Variants in RB1CC1 observed in about 807,000 individuals in gnomAD.
RB1CC1 encodes RB1-inducible coiled-coil protein 1.
A neutral mutation model predicts 177.5 loss-of-function variants in RB1CC1; 46 were observed. The observed-to-expected ratio is 0.26, with a 90% confidence interval of 0.20 to 0.33. The LOEUF (loss-of-function observed/expected upper bound fraction) is 0.33. Among genes scored for constraint, RB1CC1 ranks in the 10% least tolerant of loss-of-function variants. RB1CC1 has a pLI of 1.00. For synonymous variants in RB1CC1, 666 were observed against 613.6 expected (o/e 1.09, Z -1.26); for missense variants, 1,703 against 1,816.3 (o/e 0.94, Z 1.13).
At chr8:52,698,103 C>T (rs1482344451) in intron 1 of RB1CC1, among the ~76,000 whole-genome samples, 1 of 152,070 alleles carries the variant, frequency 6.6e-6, no homozygotes, top group Non-Finnish European at 1.5e-5. Context: ...AAGACAAGAT[C>T]TCGTCCTGTC....
intron 13 of RB1CC1, 46 bp downstream of exon 13, chr8:52,658,827 A>C (rs1851336210): frequency 7.3e-7 from 1 of 1,367,110 alleles, no homozygotes; most frequent in Non-Finnish European, 1.0e-6. Context: ...GAATAATAAA[A>C]ACATTTTAAG....
At chr8:52,659,462 T>C (rs907439826) in intron 12 of RB1CC1, among the ~76,000 whole-genome samples, 9 of 152,150 alleles carry the variant, frequency 5.9e-5, no homozygotes, top group African/African-American at 1.9e-4. Flanking sequence ...TTTTAGCTTC[T>C]GTAAAAAATA....
intron 2 of RB1CC1, 80 bp from the exon 3 acceptor site, chr8:52,685,600 G>C (rs746894746): frequency 6.1e-6 from 3 of 491,010 alleles, no homozygotes; most frequent in Non-Finnish European, 1.1e-5. Flanking sequence ...ACACAGTACA[G>C]TATTACTATA....
chr8:52,649,317 T>C (rs1001142398), intron 15 of RB1CC1, among the ~76,000 whole-genome samples: 1 of 152,194 alleles, frequency 6.6e-6, no homozygotes, highest in Non-Finnish European at 1.5e-5. Context: ...CTGGGAACTT[T>C]AGTATCACGG....
chr8:52,679,583 A>G (rs1028609724), intron 5 of RB1CC1, among the ~76,000 whole-genome samples: 4 of 152,192 alleles, frequency 2.6e-5, no homozygotes, highest in African/African-American at 9.7e-5. Context: ...CCTAAAATGT[A>G]TAAAAGCAAA....
chr8:52,682,544 C>G lies in RB1CC1; in HGVS notation c.369+1005G>C, dbSNP rs114101915. On this transcript the variant is annotated intron_variant, in intron 5 of 23. Coordinates refer to ENST00000025008, the MANE Select transcript of RB1CC1 (RefSeq NM_014781.5). Reference sequence around the variant, plus strand: ...GATATACGTATTTCTGACATTTTATCTTTTCTTTTTACTTTCTTGTTTTCA... The same window carrying G: ...GATATACGTATTTCTGACATTTTATGTTTTCTTTTTACTTTCTTGTTTTCA... 8.9e-3 allele frequency among the ~76,000 whole-genome samples: 1,354 copies of G among 152,100 alleles called. 15 individuals are homozygous for G. The highest frequency in any genetic ancestry group is 0.03 in the African/African-American group (1,259 of 41,510).
At chr8:52,679,861 T>C (rs182668334) in intron 5 of RB1CC1, among the ~76,000 whole-genome samples, 64 of 152,188 alleles carry the variant, frequency 4.2e-4, no homozygotes, top group African/African-American at 1.5e-3. Flanking sequence ...TTATGTTACA[T>C]ACTTGCAAAA....
rs569117422 is a variant in RB1CC1, at chr8:52,678,813, GTTC to G, written c.370-2245_370-2243del. ...AGAGCACTGGCCTTGGAGAAAAGAGGTTCTTCTTCTCCCTGGCTATCTGGCCTT... is the reference window on the plus strand; with the variant it reads ...AGAGCACTGGCCTTGGAGAAAAGAGGTTCTTCTCCCTGGCTATCTGGCCTT... On this transcript the variant is annotated intron_variant, in intron 5 of 23. Coordinates refer to ENST00000025008, the MANE Select transcript of RB1CC1 (RefSeq NM_014781.5). Among the ~76,000 whole-genome samples the G allele has an allele frequency of 1.6e-3, 249 of 152,264 alleles. 2 individuals are homozygous for G. The highest frequency in any genetic ancestry group is 5.7e-3 in the African/African-American group (236 of 41,548).
In RB1CC1 at chr8:52,656,606, TTA is replaced by T. The variant is rs1230060061; in HGVS notation, c.3221_3222del (p.Ile1074LysfsTer20). The T allele has an allele frequency of 6.2e-7, 1 of 1,613,348 alleles. No individual in the cohort carries two copies. Among genetic ancestry groups the T allele is most frequent in the African/African-American group, 1.3e-5 (1 of 75,020 alleles). On this transcript the variant is annotated frameshift_variant, in exon 15 of 24. Coordinates refer to ENST00000025008, the MANE Select transcript of RB1CC1 (RefSeq NM_014781.5). LOFTEE classifies it high-confidence loss of function. ...LALKEAETDE[I>X]KILLEESRAQ... ...GCTCTGCTTTCTTCCAGCAAAATTT[TTA>T]TTTCATCAGTTTCTGCTTCCTTCAA...
At position 52,674,012 on chromosome 8, in the gene RB1CC1, T is replaced by TA. The variant is rs1291484348; in HGVS notation, c.834dup (p.Arg279Ter). On this transcript the variant is annotated frameshift_variant, in exon 7 of 24. Transcript: ENST00000025008. LOFTEE classifies it high-confidence loss of function. ...TGAACAGTACTTTGACAAGATTCCC[T>TA]AATTTCTTTGCCACTTTCAGCATCT... 1 of 1,614,186 alleles carries TA rather than the reference T, an allele frequency of 6.2e-7. No individual in the cohort carries two copies.
chr8:52,651,400 T>C (rs143800982), intron 15 of RB1CC1, among the ~76,000 whole-genome samples: 28 of 152,384 alleles, frequency 1.8e-4, no homozygotes, highest in African/African-American at 6.5e-4. Context: ...TACAGTTGGG[T>C]AGTTTGGATA....
intron 18 of RB1CC1, among the ~76,000 whole-genome samples, chr8:52,638,111 G>A (rs941879962): frequency 8.5e-5 from 13 of 152,184 alleles, no homozygotes; most frequent in Middle Eastern, 3.2e-3. Context: ...TGAGTATGAT[G>A]TTAATTGTGG....
At chr8:52,708,574 G>A (rs1856791524) in intron 1 of RB1CC1, among the ~76,000 whole-genome samples, 1 of 152,052 alleles carries the variant, frequency 6.6e-6, no homozygotes, top group Admixed American at 6.5e-5. Context: ...TACCACTTCT[G>A]GGAAGTCTTC....
intron 15 of RB1CC1, among the ~76,000 whole-genome samples, chr8:52,651,677 T>C (rs1239838692): frequency 3.9e-5 from 6 of 152,202 alleles, no homozygotes; most frequent in African/African-American, 1.2e-4. Context: ...ACTTTACTTG[T>C]AGTCGTTTTC....
rs1172604874 is a variant in RB1CC1, at chr8:52,699,804, C to CAAAAAAA, written c.-166-12844_-166-12838dup. On this transcript the variant is annotated intron_variant, in intron 1 of 23. Transcript: ENST00000025008. ...ACTGCACTGCAGTGAATCTCCGTCT[C>CAAAAAAA]AAAAAAAAAAAAAAAAAAAAAAAAA... Among the ~76,000 whole-genome samples, 52 of 38,540 alleles carry CAAAAAAA rather than the reference C, an allele frequency of 1.3e-3. 4 individuals carry two copies. Among genetic ancestry groups the CAAAAAAA allele is most frequent in the Non-Finnish European group, 1.6e-3 (41 of 25,838 alleles). The allele number at this position is 38,540 out of a possible 152,430, so 25.3% of individuals were successfully genotyped here.
At chr8:52,659,755 T>C (rs1158758006) in intron 12 of RB1CC1, among the ~76,000 whole-genome samples, 1 of 152,186 alleles carries the variant, frequency 6.6e-6, no homozygotes, top group African/African-American at 2.4e-5. Flanking sequence ...CTGAACAATT[T>C]GGGAGGCCAA....
chr8:52,643,442 T>G (rs959719419), intron 16 of RB1CC1, among the ~76,000 whole-genome samples: 2 of 152,168 alleles, frequency 1.3e-5, no homozygotes, highest in African/African-American at 4.8e-5. Context: ...GGCTCATGCC[T>G]GTAATCTCAG....
chr8:52,637,025 T>C (rs112835797), intron 18 of RB1CC1, among the ~76,000 whole-genome samples: 7 of 148,448 alleles, frequency 4.7e-5, no homozygotes, highest in African/African-American at 1.8e-4. Context: ...TGTGAGACTT[T>C]GTTATTTTTC....
chr8:52,660,545 A>G, intron 12 of RB1CC1, 51 bp downstream of exon 12: 1 of 1,451,682 alleles, frequency 6.9e-7, no homozygotes, highest in South Asian at 1.3e-5. Flanking sequence ...TTCTGGAAAA[A>G]AGGTTTTAAA....
Sources: allele counts gnomAD v4.1 joint callset (sites outside exome capture counted in the v4.1 genomes callset), GRCh38; gene constraint gnomAD v4.1.1; transcripts MANE v1.5; gene names NCBI Gene and HGNC (gene_info 2026-07-23, HGNC 2026-07-21).